The following RTL1 variants were observed in gnomAD, a reference collection of about 807,000 sequenced individuals.
The protein encoded by RTL1 is retrotransposon-like protein 1.
For missense variants in RTL1, 1,681 were observed against 1,767.5 expected (o/e 0.95, Z 0.88); for synonymous variants, 727 against 748.4 (o/e 0.97, Z 0.47).
In RTL1 at chr14:100,880,380, T is replaced by C. The variant is rs981159647; in HGVS notation, c.*332A>G. On this transcript the variant is annotated 3_prime_UTR_variant, in exon 4 of 4. Transcript: ENST00000649591. ...TGCGCCTGCTGTGCCTGCTTCTTCA[T>C]CTGGCCACGCGTCATGGGGTCACTT... 4.6e-5 allele frequency among the ~76,000 whole-genome samples: 7 copies of C among 152,110 alleles called. No individual in the cohort carries two copies. Among genetic ancestry groups the C allele is most frequent in the African/African-American group, 1.4e-4 (6 of 41,438 alleles).
chr14:100,892,595 A>C (rs1354612625), intron 3 of RTL1, among the ~76,000 whole-genome samples: 4 of 152,208 alleles, frequency 2.6e-5, no homozygotes, highest in Non-Finnish European at 5.9e-5. Context: ...CAAGGGGACG[A>C]TGCCCTGCTT....
At chr14:100,887,857 T>C (rs2038714828) in intron 3 of RTL1, among the ~76,000 whole-genome samples, 2 of 152,174 alleles carry the variant, frequency 1.3e-5, no homozygotes, top group South Asian at 4.1e-4. Context: ...TAGCATGCTA[T>C]GTAAATTTAA....
Position 100,883,301 on chromosome 14 carries a change from A to C in RTL1, c.1488T>G (p.Pro496=). 1 of 1,551,194 alleles carries C rather than the reference A, an allele frequency of 6.4e-7. No individual in the cohort carries two copies. Among genetic ancestry groups the C allele is most frequent in the Non-Finnish European group, 8.7e-7 (1 of 1,146,758 alleles). ...HQESIEFDIV[P]SPNFSVVLGI... ...CTAGGACCACAGAGAAGTTCGGTGA[A>C]GGTACGATGTCAAATTCGATGGACT... Residue 496 remains proline, a synonymous_variant, in exon 4 of 4, where the codon CCT becomes CCG. Coordinates refer to ENST00000649591, the MANE Select transcript of RTL1 (RefSeq NM_001134888.3). This position sits in a 1 kb window ranked among gnomAD's most constrained non-coding sequence, Gnocchi z 5.9.
chr14:100,881,765 G>A lies in RTL1; in HGVS notation c.3024C>T (p.Asn1008=). 4 of 1,613,596 alleles carry A rather than the reference G, an allele frequency of 2.5e-6. No homozygotes were observed. In the South Asian group the frequency reaches 4.4e-5, roughly 18 times the overall value. Residue 1008 remains asparagine (N), a synonymous_variant, in exon 4 of 4, where the codon AAC becomes AAT. Coordinates refer to ENST00000649591, the MANE Select transcript of RTL1 (RefSeq NM_001134888.3). The surrounding 1 kb of genome is among the most constrained non-coding windows in gnomAD (Gnocchi z 6.6). The part of the protein sequence containing the change: ...NLRWRRAFQR[N]TAARQTLLLA... Reference sequence around the variant, plus strand: ...GCAGCAGGGTTTGCCTGGCGGCAGTGTTCCTCTGGAAGGCTCTCCTCCACC... The same window carrying A: ...GCAGCAGGGTTTGCCTGGCGGCAGTATTCCTCTGGAAGGCTCTCCTCCACC...
At chr14:100,899,400 T>C (rs1375170901) in intron 2 of RTL1, among the ~76,000 whole-genome samples, 2 of 152,044 alleles carry the variant, frequency 1.3e-5, no homozygotes, top group East Asian at 1.9e-4. Flanking sequence ...GATGAGGGGC[T>C]CTGGGGAAGG....
intron 2 of RTL1, among the ~76,000 whole-genome samples, chr14:100,901,703 C>T (rs188826698): frequency 6.6e-6 from 1 of 152,324 alleles, no homozygotes; most frequent in Admixed American, 6.5e-5. Context: ...TCTGTGGGCT[C>T]AGGAGCCAGG....
At chr14:100,902,742 C>T (rs913582426) in intron 2 of RTL1, among the ~76,000 whole-genome samples, 1 of 152,238 alleles carries the variant, frequency 6.6e-6, no homozygotes, top group Admixed American at 6.5e-5. Flanking sequence ...CGGCTTTTCC[C>T]CTGTGAAATG....
At chr14:100,890,077 A>G (rs946709211) in intron 3 of RTL1, among the ~76,000 whole-genome samples, 20 of 148,918 alleles carry the variant, frequency 1.3e-4, no homozygotes, top group Non-Finnish European at 1.3e-4. Flanking sequence ...CTTATTTGAA[A>G]AAAAAAAAAA....
At chr14:100,901,966 C>T (rs1052046417) in intron 2 of RTL1, among the ~76,000 whole-genome samples, 2 of 152,222 alleles carry the variant, frequency 1.3e-5, no homozygotes, top group African/African-American at 4.8e-5. Flanking sequence ...ACCTCGCTCA[C>T]TTGCCCGCTT....
In RTL1 at chr14:100,890,074, G is replaced by GGAAAAAAAA. The variant is rs554899525; in HGVS notation, c.-87+3369_-87+3370insTTTTTTTTC. ...TGATTTGAAAATTCCCGCCTTATTTGAAAAAAAAAAAAAAAAAAAGAAGCC... is the reference window on the plus strand; with the variant it reads ...TGATTTGAAAATTCCCGCCTTATTTGGAAAAAAAAAAAAAAAAAAAAAAAAAAAGAAGCC... On this transcript the variant is annotated intron_variant, in intron 3 of 3. Coordinates refer to ENST00000649591, the MANE Select transcript of RTL1 (RefSeq NM_001134888.3). 3.6e-3 allele frequency among the ~76,000 whole-genome samples: 449 copies of GGAAAAAAAA among 123,842 alleles called. 12 individuals carry two copies. The highest frequency in any genetic ancestry group is 5.6e-3 in the Non-Finnish European group (334 of 59,974). 81.2% of individuals were successfully genotyped at this position (123,842 alleles called of 152,430 possible). A position where few individuals can be genotyped will look rare whatever the true frequency, so the allele number is the denominator to read the frequency against.
In RTL1 at chr14:100,882,092, C is replaced by G. The variant is rs1252053297; in HGVS notation, c.2697G>C (p.Lys899Asn). ...SLIQIDDQTG[K>N]RACCAFYSRN... Reference sequence around the variant, plus strand: ...GGGAGTAGAAAGCGCAGCAGGCTCTCTTGCCGGTTTGGTCGTCGATTTGGA... The same window carrying G: ...GGGAGTAGAAAGCGCAGCAGGCTCTGTTGCCGGTTTGGTCGTCGATTTGGA... The change falls in exon 4 of 4, where the codon AAG becomes AAC. Residue 899 changes from lysine (K) to asparagine (N), a missense_variant. Physicochemically the swap from Lys to Asn is moderately conservative, Grantham distance 94. Coordinates refer to ENST00000649591, the MANE Select transcript of RTL1 (RefSeq NM_001134888.3). 3.8e-6 allele frequency: 6 copies of G among 1,583,536 alleles called. No homozygotes were observed. The highest frequency in any genetic ancestry group is 2.7e-5 in the African/African-American group (2 of 74,284).
In RTL1 at chr14:100,883,695, C is replaced by G. The variant is rs188763368; in HGVS notation, c.1094G>C (p.Arg365Thr). ...CTCGGGGGGCAGCCTGAGCATAGCT[C>G]TTCTCTCTGCCAGCTTCTCTTCTAT... ...LQIEEKLAER[R>T]AMLRLPPEAR... Residue 365 changes from arginine (R) to threonine (T), a missense_variant, in exon 4 of 4, where the codon AGA becomes ACA. Coordinates refer to ENST00000649591, the MANE Select transcript of RTL1 (RefSeq NM_001134888.3). The surrounding 1 kb of genome is among the most constrained non-coding windows in gnomAD (Gnocchi z 5.9). 10 of 1,551,646 alleles carry G rather than the reference C, an allele frequency of 6.4e-6. No individual in the cohort carries two copies. The East Asian group carries it at 2.0e-4, about 30-fold the overall frequency.
chr14:100,888,693 C>A (rs2140042905), intron 3 of RTL1, among the ~76,000 whole-genome samples: 1 of 152,254 alleles, frequency 6.6e-6, no homozygotes, highest in South Asian at 2.1e-4. Flanking sequence ...AAAAACTCAC[C>A]AGGCCACTCT....
At chr14:100,894,143 C>T (rs2038821171) in intron 2 of RTL1, among the ~76,000 whole-genome samples, 1 of 151,924 alleles carries the variant, frequency 6.6e-6, no homozygotes, top group Non-Finnish European at 1.5e-5. Context: ...AACCTTGTCT[C>T]TACTAAAAAT....
intron 2 of RTL1, among the ~76,000 whole-genome samples, chr14:100,897,394 A>C (rs994200538): frequency 1.1e-4 from 16 of 152,184 alleles, no homozygotes; most frequent in Admixed American, 8.5e-4. Context: ...CAAACACTGC[A>C]GATAAAGCCA....
Position 100,896,013 on chromosome 14 carries a change from C to T in RTL1, c.-148-2508G>A, listed in dbSNP as rs138551892. On this transcript the variant is annotated intron_variant, in intron 2 of 3. Transcript: ENST00000649591. ...GCTCGAACCTGGAAGGCAGAAGTTG[C>T]AGTTAGCCGAGATTGCACCATTGCA... Among the ~76,000 whole-genome samples the T allele has an allele frequency of 2.1e-4, 32 of 150,246 alleles. No individual in the cohort carries two copies. The East Asian group carries it at 5.7e-3, about 27-fold the overall frequency.
At position 100,882,350 on chromosome 14, in the gene RTL1, G is replaced by C. The variant is rs1244944898; in HGVS notation, c.2439C>G (p.Ile813Met). ...PGSKLSLRNF[I>M]EFVFPYRHFV... ...AGTGGCGGTAGGGGAAGACGAATTC[G>C]ATGAAGTTTCGCAGAGATAGCTTGG... The change falls in exon 4 of 4, where the codon ATC (isoleucine) becomes ATG (methionine). Residue 813 changes from isoleucine to methionine, a missense_variant. Coordinates refer to ENST00000649591, the MANE Select transcript of RTL1 (RefSeq NM_001134888.3). The C allele has an allele frequency of 7.1e-6, 11 of 1,551,688 alleles. No homozygotes were observed. Among genetic ancestry groups the C allele is most frequent in the Non-Finnish European group, 9.6e-6 (11 of 1,146,994 alleles).
In RTL1 at chr14:100,882,021, T is replaced by G; in HGVS notation, c.2768A>C (p.Lys923Thr). 1 of 1,613,640 alleles carries G rather than the reference T, an allele frequency of 6.2e-7. No homozygotes were observed. Among genetic ancestry groups the G allele is most frequent in the Non-Finnish European group, 8.5e-7 (1 of 1,179,812 alleles). Residue 923 changes from lysine (K) to threonine (T), a missense_variant, in exon 4 of 4, where the codon AAG becomes ACG. Physicochemically the swap from Lys to Thr is moderately conservative, Grantham distance 78. Coordinates refer to ENST00000649591, the MANE Select transcript of RTL1 (RefSeq NM_001134888.3). ...GAAGGCAGCCCGTATTGGAAGAATC[T>G]TCATCTCCGCTTGAGAGTACTCAAC... ...IEVEYSQAEM[K>T]ILPIRAAFMV...
intron 2 of RTL1, among the ~76,000 whole-genome samples, chr14:100,898,682 GCGGGCTC>G (rs2038901822): frequency 6.6e-6 from 1 of 152,206 alleles, no homozygotes; most frequent in Non-Finnish European, 1.5e-5. Flanking sequence ...GTTTCTCTCA[GCGGGCTC>G]CCTACTTCTT....
Sources: gnomAD v4.1 joint callset for allele counts (sites outside exome capture counted in the v4.1 genomes callset) on GRCh38, gnomAD v4.1.1 for gene constraint, Gnocchi (gnomAD v3.1) non-coding constraint, MANE v1.5 for transcripts, NCBI Gene and HGNC (gene_info 2026-07-23, HGNC 2026-07-21) for gene names.